Variants in NXPE2 observed in about 807,000 individuals in gnomAD.
The protein encoded by NXPE2 is neurexophilin and PC-esterase domain family member 2.
Under a neutral mutation model 34.4 loss-of-function variants are expected in NXPE2, and 34 were observed. The ratio of observed to expected loss-of-function variants is 0.99; its 90% CI spans 0.75 to 1.31. NXPE2 has a LOEUF of 1.31. Among genes scored for constraint, NXPE2 ranks in the 40% most tolerant of loss-of-function variants. The pLI is 0.00. For synonymous variants in NXPE2, 235 were observed against 231.3 expected (o/e 1.02, Z -0.15); for missense variants, 649 against 672.5 (o/e 0.97, Z 0.39).
Position 114,707,012 on chromosome 11 carries a change from T to A in NXPE2, c.*82T>A, listed in dbSNP as rs753646612. On this transcript the variant is annotated 3_prime_UTR_variant, in exon 6 of 6. Transcript: ENST00000389586. ...CGAAGATAGTTTAATGCAATCCAAG[T>A]TTTGAGGAAACTAAATTTGAAAAAG... is the stretch of plus-strand genomic sequence containing the variant. 43 of 1,127,284 alleles carry A rather than the reference T, an allele frequency of 3.8e-5. No individual in the cohort carries two copies. The highest frequency in any genetic ancestry group is 5.3e-5 in the Non-Finnish European group (43 of 817,354). The allele number at this position is 1,127,284 out of a possible 1,614,324, so 69.8% of individuals were successfully genotyped here.
At chr11:114,637,742 T>G in the NXPE2 span, among the ~76,000 whole-genome samples, 1 of 151,626 alleles carries the variant, frequency 6.6e-6, no homozygotes, top group Non-Finnish European at 1.5e-5. Flanking sequence ...TGGCTGGATA[T>G]GAAATTCTGG....
At chr11:114,576,962 A>G in the NXPE2 span, among the ~76,000 whole-genome samples, 3 of 145,948 alleles carry the variant, frequency 2.1e-5, no homozygotes, top group African/African-American at 7.5e-5. Flanking sequence ...CAATGAGTGG[A>G]TAAAGAAGAT....
the NXPE2 span, among the ~76,000 whole-genome samples, chr11:114,794,458 G>A: frequency 1.3e-5 from 2 of 152,120 alleles, no homozygotes; most frequent in African/African-American, 4.8e-5. Flanking sequence ...TCAGTATACT[G>A]GGTGTGAATG....
chr11:114,579,472 A>G, the NXPE2 span, among the ~76,000 whole-genome samples: 1 of 152,232 alleles, frequency 6.6e-6, no homozygotes, highest in Admixed American at 6.5e-5. Flanking sequence ...GTTTCTAAGT[A>G]GCATAGCCTA....
the NXPE2 span, chr11:114,530,043 A>G: frequency 2.1e-6 from 2 of 930,274 alleles, no homozygotes; most frequent in East Asian, 2.4e-5. Flanking sequence ...AGAGGCCCCA[A>G]GAAGACACCA....
chr11:114,772,931 C>T, the NXPE2 span, among the ~76,000 whole-genome samples: 1 of 152,150 alleles, frequency 6.6e-6, no homozygotes, highest in Non-Finnish European at 1.5e-5. Flanking sequence ...TTTCTCCTGG[C>T]ATTCCAGGAT....
chr11:114,598,986 T>G, the NXPE2 span, among the ~76,000 whole-genome samples: 2 of 152,232 alleles, frequency 1.3e-5, no homozygotes, highest in Non-Finnish European at 2.9e-5. Flanking sequence ...ACCATTTCTT[T>G]TTACCATATG....
At chr11:114,789,673 G>T in the NXPE2 span, among the ~76,000 whole-genome samples, 2 of 152,198 alleles carry the variant, frequency 1.3e-5, no homozygotes, top group Non-Finnish European at 2.9e-5. Context: ...GCTCAGAAAG[G>T]CTTCACATCT....
chr11:114,621,667 GATA>G, the NXPE2 span, among the ~76,000 whole-genome samples: 1 of 152,168 alleles, frequency 6.6e-6, no homozygotes, highest in African/African-American at 2.4e-5. Context: ...TTACCCTGTG[GATA>G]ATAAGTGATG....
At chr11:114,767,042 G>A in the NXPE2 span, among the ~76,000 whole-genome samples, 2 of 151,970 alleles carry the variant, frequency 1.3e-5, no homozygotes, top group African/African-American at 4.8e-5. Context: ...CCCAGAAAGA[G>A]CAGCTGGTGA....
the NXPE2 span, among the ~76,000 whole-genome samples, chr11:114,605,297 A>C: frequency 6.9e-6 from 1 of 144,686 alleles, no homozygotes. Flanking sequence ...ATAAGTATTG[A>C]CTTGTGGGTA....
the NXPE2 span, among the ~76,000 whole-genome samples, chr11:114,670,957 T>C: frequency 6.6e-6 from 1 of 150,632 alleles, no homozygotes; most frequent in East Asian, 2.0e-4. Context: ...GTTCAAGGAA[T>C]TAAAGGAAGC....
chr11:114,533,715 C>T, the NXPE2 span, among the ~76,000 whole-genome samples: 1 of 152,204 alleles, frequency 6.6e-6, no homozygotes, highest in African/African-American at 2.4e-5. Context: ...GATCAAACTG[C>T]AAGGCGGCAG....
the NXPE2 span, among the ~76,000 whole-genome samples, chr11:114,804,881 C>T: frequency 6.6e-6 from 1 of 152,210 alleles, no homozygotes; most frequent in Admixed American, 6.5e-5. Flanking sequence ...GCAAACTCCA[C>T]ACTCTGTAGA....
At chr11:114,613,001 A>G in the NXPE2 span, among the ~76,000 whole-genome samples, 2 of 151,954 alleles carry the variant, frequency 1.3e-5, no homozygotes, top group African/African-American at 4.8e-5. Context: ...CCCAATGGAT[A>G]ATTAGTGTTG....
the NXPE2 span, among the ~76,000 whole-genome samples, chr11:114,499,341 A>G: frequency 1.3e-5 from 2 of 152,014 alleles, no homozygotes; most frequent in Non-Finnish European, 2.9e-5. Flanking sequence ...TATCAAATCT[A>G]TTTTTATTTT....
chr11:114,735,148 T>C, the NXPE2 span, among the ~76,000 whole-genome samples: 49 of 152,236 alleles, frequency 3.2e-4, 1 homozygote, highest in African/African-American at 1.2e-3. Flanking sequence ...TACACATCTC[T>C]TATTCCTGTG....
chr11:114,594,965 T>A, the NXPE2 span, among the ~76,000 whole-genome samples: 2 of 152,134 alleles, frequency 1.3e-5, no homozygotes, highest in African/African-American at 4.8e-5. Context: ...TATCTGCTTG[T>A]ACATTCTACA....
intron 3 of NXPE2, among the ~76,000 whole-genome samples, chr11:114,702,246 T>G (rs1013654846): frequency 3.3e-5 from 5 of 152,184 alleles, no homozygotes; most frequent in Non-Finnish European, 4.4e-5. Flanking sequence ...TAAAATTTAA[T>G]GCACATACAC....
Sources: gnomAD v4.1 joint callset for allele counts (sites outside exome capture counted in the v4.1 genomes callset) on GRCh38, gnomAD v4.1.1 for gene constraint, MANE v1.5 for transcripts, NCBI Gene and HGNC (gene_info 2026-07-23, HGNC 2026-07-21) for gene names.